Variants in ZC3H12B observed in about 807,000 individuals in gnomAD.
ZC3H12B encodes zinc finger CCCH-type containing 12B, also known as probable ribonuclease ZC3H12B.
ZC3H12B carries 7 observed loss-of-function variants against 43.9 expected under a neutral mutation model. The observed-to-expected ratio is 0.16, with a 90% CI of 0.09 to 0.30. ZC3H12B has a LOEUF of 0.30. Among genes scored for constraint, ZC3H12B ranks in the 10% least tolerant of loss-of-function variants. The pLI is 1.00. For missense variants in ZC3H12B, 475 were observed against 670.2 expected (o/e 0.71, Z 3.22); for synonymous variants, 222 against 241.7 (o/e 0.92, Z 0.76).
the ZC3H12B span, among the ~76,000 whole-genome samples, chrX:65,202,413 G>C: frequency 9.3e-6 from 1 of 108,063 alleles, no homozygotes; most frequent in Middle Eastern, 4.7e-3. Flanking sequence ...CTTGGTTGTT[G>C]TGATCTAAGG....
In ZC3H12B at chrX:65,441,327, T is replaced by G. The variant is rs1014356499; in HGVS notation, n.407+42623T>G. ...CTATGTTAAATTGAGCGAGATGAAT[T>G]GGCCATACAGACAGCCAGTGCTGTA... On this transcript the variant is annotated intron_variant and non_coding_transcript_variant, in intron 3 of 5. Transcript: ENST00000617377. Among the ~76,000 whole-genome samples, 15 of 112,356 alleles carry G rather than the reference T, an allele frequency of 1.3e-4. 1 individual carries two copies. Among genetic ancestry groups the G allele is most frequent in the African/African-American group, 4.9e-4 (15 of 30,870 alleles).
At chrX:65,381,838 A>G (rs2066444899) in intron 2 of ZC3H12B, among the ~76,000 whole-genome samples, 2 of 112,173 alleles carry the variant, frequency 1.8e-5, no homozygotes, top group South Asian at 7.4e-4. Context: ...CTACACAAAT[A>G]AACTAGAAAA....
chrX:65,279,995 T>A, the ZC3H12B span, among the ~76,000 whole-genome samples: 1 of 112,512 alleles, frequency 8.9e-6, no homozygotes, highest in African/African-American at 3.2e-5. Flanking sequence ...TTAATGCCAG[T>A]TGTTCTGAAA....
At chrX:65,387,072 G>A (rs1407466322) in intron 2 of ZC3H12B, among the ~76,000 whole-genome samples, 2 of 111,379 alleles carry the variant, frequency 1.8e-5, no homozygotes, top group Non-Finnish European at 3.8e-5. Flanking sequence ...CCAACTATGT[G>A]GTCAATTTTG....
At chrX:65,074,294 T>C in the ZC3H12B span, among the ~76,000 whole-genome samples, 1 of 111,133 alleles carries the variant, frequency 9.0e-6, no homozygotes, top group Non-Finnish European at 1.9e-5. Flanking sequence ...ACTTCAAATC[T>C]ATGATATCAT....
chrX:65,113,024 A>G, the ZC3H12B span, among the ~76,000 whole-genome samples: 1 of 111,574 alleles, frequency 9.0e-6, no homozygotes, highest in African/African-American at 3.3e-5. Flanking sequence ...TCAGGGGAGG[A>G]AGTCAAAATA....
At chrX:65,320,808 T>C in the ZC3H12B span, among the ~76,000 whole-genome samples, 1 of 112,212 alleles carries the variant, frequency 8.9e-6, no homozygotes, top group Non-Finnish European at 1.9e-5. Context: ...AGGGAGTTTC[T>C]TTTCAATAAA....
At chrX:65,470,746 C>A (rs6524989) in intron 3 of ZC3H12B, among the ~76,000 whole-genome samples, 26,614 of 111,082 alleles carry the variant, frequency 0.24, 7,672 homozygotes, top group African/African-American at 0.83. Context: ...CACTGGTCTG[C>A]GTTTTAGGAT....
the ZC3H12B span, among the ~76,000 whole-genome samples, chrX:65,288,357 A>G: frequency 5.4e-5 from 6 of 111,682 alleles, no homozygotes; most frequent in Non-Finnish European, 1.1e-4. Flanking sequence ...CAAGAAAAAA[A>G]GAAAACTGCA....
chrX:65,330,550 A>G, the ZC3H12B span, among the ~76,000 whole-genome samples: 3 of 111,475 alleles, frequency 2.7e-5, no homozygotes, highest in African/African-American at 9.8e-5. Context: ...TTTGTCATAG[A>G]TAGCTCTTAT....
At chrX:65,118,377 G>A in the ZC3H12B span, among the ~76,000 whole-genome samples, 2 of 111,598 alleles carry the variant, frequency 1.8e-5, no homozygotes, top group African/African-American at 6.5e-5. Flanking sequence ...TGTTATTGGT[G>A]TAGAGGAATG....
chrX:65,253,743 T>C, the ZC3H12B span, among the ~76,000 whole-genome samples: 2 of 111,924 alleles, frequency 1.8e-5, no homozygotes, highest in Non-Finnish European at 3.8e-5. Flanking sequence ...AGCTTTGTGC[T>C]GGAAGACCAT....
At chrX:65,157,121 A>T in the ZC3H12B span, among the ~76,000 whole-genome samples, 3 of 110,786 alleles carry the variant, frequency 2.7e-5, no homozygotes, top group African/African-American at 9.9e-5. Context: ...AGCTGAGACT[A>T]AAGTGGGCTC....
chrX:65,204,429 G>A, the ZC3H12B span, among the ~76,000 whole-genome samples: 1 of 111,652 alleles, frequency 9.0e-6, no homozygotes, highest in Non-Finnish European at 1.9e-5. Flanking sequence ...CTTCCAAAAT[G>A]CCTGTCATTT....
chrX:65,262,276 G>C, the ZC3H12B span, among the ~76,000 whole-genome samples: 1 of 110,815 alleles, frequency 9.0e-6, no homozygotes, highest in African/African-American at 3.3e-5. Flanking sequence ...GATCTTAATT[G>C]GTATTAAGTT....
chrX:65,176,887 C>T, the ZC3H12B span, among the ~76,000 whole-genome samples: 2 of 111,701 alleles, frequency 1.8e-5, no homozygotes, highest in Non-Finnish European at 3.8e-5. Context: ...TGAAACTACT[C>T]CAAACAACAG....
the ZC3H12B span, among the ~76,000 whole-genome samples, chrX:65,105,795 A>G: frequency 2.7e-5 from 3 of 110,948 alleles, no homozygotes; most frequent in Non-Finnish European, 5.7e-5. Flanking sequence ...GTGATAGGGA[A>G]GCATTTTATG....
At chrX:65,154,136 C>T in the ZC3H12B span, among the ~76,000 whole-genome samples, 11 of 110,968 alleles carry the variant, frequency 9.9e-5, no homozygotes, top group Admixed American at 6.7e-4. Flanking sequence ...TGTTAAATGA[C>T]GAGTTAATGG....
the ZC3H12B span, among the ~76,000 whole-genome samples, chrX:65,308,236 TC>T: frequency 1.8e-5 from 2 of 109,400 alleles, no homozygotes; most frequent in Non-Finnish European, 3.8e-5. Context: ...AAAGGAACCC[TC>T]AAAACCATAA....
Sources: allele counts gnomAD v4.1 joint callset (sites outside exome capture counted in the v4.1 genomes callset), GRCh38; gene constraint gnomAD v4.1.1; transcripts MANE v1.5; gene names NCBI Gene and HGNC (gene_info 2026-07-23, HGNC 2026-07-21).